Variants in SLC28A1 observed in about 807,000 individuals in gnomAD.
SLC28A1 encodes solute carrier family 28 member 1.
A neutral mutation model predicts 74.8 loss-of-function variants in SLC28A1; 64 were observed. That is an observed-to-expected ratio of 0.86 (90% confidence interval 0.70 to 1.05). SLC28A1 has a LOEUF of 1.05. Among genes scored for constraint, SLC28A1 ranks in the 50% least tolerant of loss-of-function variants. The pLI is 0.00. For synonymous variants in SLC28A1, 359 were observed against 335.0 expected, an observed-to-expected ratio of 1.07 and a Z score of -0.78; for missense variants, 828 against 822.8, an observed-to-expected ratio of 1.01 and a Z score of -0.08.
At chr15:84,896,124 C>A in intron 6 of SLC28A1, 1 of 222,826 alleles carries the variant, frequency 4.5e-6, no homozygotes, top group Non-Finnish European at 7.5e-6. Flanking sequence ...AAAATGCATG[C>A]AGATAAACTG....
At chr15:84,965,858 T>G in the SLC28A1 span, among the ~76,000 whole-genome samples, 11,046 of 145,734 alleles carry the variant, frequency 0.076, 499 homozygotes, top group Middle Eastern at 0.11. Flanking sequence ...AGCCACATAC[T>G]GAGGATCTCA....
chr15:84,944,384 GGGT>G (rs1973070027), intron 16 of SLC28A1, among the ~76,000 whole-genome samples, 179 bp from the exon 17 acceptor site: 1 of 151,874 alleles, frequency 6.6e-6, no homozygotes, highest in African/African-American at 2.4e-5. Flanking sequence ...CATTGCCTAG[GGGT>G]CCAAGCCAGG....
chr15:84,941,749 G>T (rs1972742145), intron 15 of SLC28A1, among the ~76,000 whole-genome samples: 1 of 152,012 alleles, frequency 6.6e-6, no homozygotes, highest in East Asian at 1.9e-4. Flanking sequence ...ACACACACCT[G>T]TAATCCCAGC....
intron 6 of SLC28A1, 83 bp downstream of exon 6, chr15:84,895,206 G>C: frequency 6.3e-7 from 1 of 1,583,440 alleles, no homozygotes; most frequent in Non-Finnish European, 8.6e-7. Context: ...GCCAGGGCTG[G>C]AGGAGGAGGA....
At chr15:84,951,329 T>C in the SLC28A1 span, among the ~76,000 whole-genome samples, 26 of 151,524 alleles carry the variant, frequency 1.7e-4, no homozygotes, top group African/African-American at 6.1e-4. Flanking sequence ...CCCAGCTGCT[T>C]GGGAGGCTGA....
intron 9 of SLC28A1, among the ~76,000 whole-genome samples, chr15:84,917,623 G>GTGTA (rs1268050482): frequency 6.6e-6 from 1 of 151,830 alleles, no homozygotes; most frequent in Non-Finnish European, 1.5e-5. Context: ...ATACACTCTT[G>GTGTA]TGGTACACCT....
intron 9 of SLC28A1, among the ~76,000 whole-genome samples, chr15:84,915,153 C>G (rs573877913): frequency 1.3e-5 from 2 of 152,142 alleles, no homozygotes; most frequent in South Asian, 2.1e-4. Flanking sequence ...TCATCCTACC[C>G]GTGCTGGAGG....
At chr15:84,921,236 T>C (rs1469623997) in intron 11 of SLC28A1, among the ~76,000 whole-genome samples, 167 bp downstream of exon 11, 1 of 152,216 alleles carries the variant, frequency 6.6e-6, no homozygotes, top group Non-Finnish European at 1.5e-5. Context: ...GGGGGATGCC[T>C]GGGTCATGCC....
chr15:84,923,144 G>T (rs1406694145), intron 11 of SLC28A1, among the ~76,000 whole-genome samples: 1 of 152,120 alleles, frequency 6.6e-6, no homozygotes, highest in African/African-American at 2.4e-5. Context: ...CACCATGTTG[G>T]CCAGGCTGGT....
chr15:84,973,561 A>G, the SLC28A1 span, among the ~76,000 whole-genome samples: 4 of 152,176 alleles, frequency 2.6e-5, no homozygotes, highest in African/African-American at 7.2e-5. Context: ...GGGCATGCAG[A>G]CAGTGATCCA....
chr15:84,971,195 T>C, the SLC28A1 span, among the ~76,000 whole-genome samples: 1 of 152,164 alleles, frequency 6.6e-6, no homozygotes, highest in Non-Finnish European at 1.5e-5. Flanking sequence ...ACCACAGAGA[T>C]ATTTCAAGTT....
the SLC28A1 span, among the ~76,000 whole-genome samples, chr15:84,965,912 A>G: frequency 0.079 from 11,041 of 140,366 alleles, 1,268 homozygotes; most frequent in African/African-American, 0.23. Context: ...GAGGGGGGGG[A>G]AATATTAGGC....
chr15:84,952,298 C>A, the SLC28A1 span, among the ~76,000 whole-genome samples: 3 of 152,206 alleles, frequency 2.0e-5, no homozygotes, highest in Non-Finnish European at 4.4e-5. Flanking sequence ...GCTCTCTATA[C>A]AGACATCTTT....
At chr15:84,889,011 G>A in intron 4 of SLC28A1, 151 bp downstream of exon 4, 1 of 641,258 alleles carries the variant, frequency 1.6e-6, no homozygotes, top group Non-Finnish European at 2.8e-6. Context: ...ACACGCACAG[G>A]CACATGAGCC....
intron 9 of SLC28A1, among the ~76,000 whole-genome samples, chr15:84,911,683 A>G (rs747847211): frequency 4.6e-5 from 7 of 151,922 alleles, no homozygotes; most frequent in African/African-American, 9.7e-5. Context: ...CCAATATGAA[A>G]CCCCATCTCT....
intron 3 of SLC28A1, 141 bp from the exon 4 acceptor site, chr15:84,888,631 T>G: frequency 2.9e-6 from 2 of 678,042 alleles, no homozygotes; most frequent in Non-Finnish European, 5.4e-6. Flanking sequence ...GAATCCAGTT[T>G]AGTAGCCTTC....
intron 7 of SLC28A1, 123 bp downstream of exon 7, chr15:84,904,361 C>A: frequency 7.2e-7 from 1 of 1,395,518 alleles, no homozygotes; most frequent in Non-Finnish European, 1.0e-6. Flanking sequence ...AGGCTCAGGG[C>A]CTGGAGAAGG....
At chr15:84,956,241 C>G in the SLC28A1 span, among the ~76,000 whole-genome samples, 2 of 152,132 alleles carry the variant, frequency 1.3e-5, no homozygotes, top group Admixed American at 6.5e-5. Context: ...CCCCATATTC[C>G]ATTTGTCCTC....
chr15:84,945,718 C>T lies in SLC28A1; in HGVS notation c.*518C>T. On this transcript the variant is annotated 3_prime_UTR_variant, in exon 19 of 19. Transcript: ENST00000394573. ...AAACTGAGGTCCCATGGCACACTGT[C>T]CTGGGAGGCGTTCAGAGGGTTCCAT... 1 of 196,862 alleles carries T rather than the reference C, an allele frequency of 5.1e-6. No individual in the cohort carries two copies. The highest frequency in any genetic ancestry group is 1.0e-4 in the South Asian group (1 of 9,726). The allele number at this position is 196,862 out of a possible 1,614,324, so 12.2% of individuals were successfully genotyped here.
Sources: allele counts gnomAD v4.1 joint callset (sites outside exome capture counted in the v4.1 genomes callset), GRCh38; gene constraint gnomAD v4.1.1; transcripts MANE v1.5; gene names NCBI Gene and HGNC (gene_info 2026-07-23, HGNC 2026-07-21).